RASAL3: variants seen among roughly 807,000 people sequenced by gnomAD.
RASAL3 encodes RAS protein activator like-3.
In RASAL3, 74 loss-of-function variants were observed where a neutral mutation model predicts 105.5. The ratio of observed to expected loss-of-function variants is 0.70; its 90% CI spans 0.58 to 0.85. The LOEUF is 0.85. Among genes scored for constraint, RASAL3 ranks in the 40% least tolerant of loss-of-function variants. The pLI, the probability that RASAL3 is intolerant of heterozygous loss-of-function variation, is 0.00. For synonymous variants in RASAL3, 579 were observed against 591.6 expected, an observed-to-expected ratio of 0.98 and a Z score of 0.31; for missense variants, 1,352 against 1,392.0, an observed-to-expected ratio of 0.97 and a Z score of 0.46.
In RASAL3 at chr19:15,454,582, GGTGGGT is replaced by G; in HGVS notation, c.1959-26_1959-21del. On this transcript the variant is annotated intron_variant, in intron 12 of 17. Transcript: ENST00000343625. ...CCGAACCTGGATCAGGGCCAGGCTG[GGTGGGT>G]CAGGTCAGGCACCTGCCACCCCCAC... 6.2e-7 allele frequency: 1 copy of G among 1,613,378 alleles called. No individual in the cohort carries two copies. Among genetic ancestry groups the G allele is most frequent in the Non-Finnish European group, 8.5e-7 (1 of 1,179,594 alleles).
rs374340432 is a variant in RASAL3 at position 15,453,372 on chromosome 19, G to T, written c.2405C>A (p.Pro802Gln). The change falls in exon 15 of 18, where the codon CCG (proline) becomes CAG (glutamine). Residue 802 changes from proline (P) to glutamine (Q), a missense_variant. By Grantham distance (76) the Pro-to-Gln change is moderately conservative. Coordinates refer to ENST00000343625, the MANE Select transcript of RASAL3 (RefSeq NM_022904.3). This position sits in a 1 kb window ranked among gnomAD's most constrained non-coding sequence, Gnocchi z 4.2. ...CCGCCGCAGGGGCCGCTCTTCGTCCGGCCGTGGCCGGGCCCAACTCTCTGA... is the reference window on the plus strand; with the variant it reads ...CCGCCGCAGGGGCCGCTCTTCGTCCTGCCGTGGCCGGGCCCAACTCTCTGA... ...RRSESWARPR[P>Q]DEERPLRRPR... 7.6e-6 allele frequency: 11 copies of T among 1,452,352 alleles called. 1 individual carries two copies. The South Asian group carries it at 1.5e-4, about 20-fold the overall frequency. 90.0% of individuals were successfully genotyped at this position (1,452,352 alleles called of 1,614,324 possible).
At position 15,453,325 on chromosome 19, in the gene RASAL3, G is replaced by C. The variant is rs1970217610; in HGVS notation, c.2452C>G (p.Gln818Glu). 2.1e-6 allele frequency: 3 copies of C among 1,461,794 alleles called. No homozygotes were observed. Among genetic ancestry groups the C allele is most frequent in the Non-Finnish European group, 2.7e-6 (3 of 1,113,362 alleles). The allele number at this position is 1,461,794 out of a possible 1,614,324, so 90.6% of individuals were successfully genotyped here. The change falls in exon 15 of 18, where the codon CAG (glutamine) becomes GAG (glutamate). Residue 818 changes from glutamine (Q) to glutamate (E), a missense_variant. By Grantham distance (29) the Gln-to-Glu change is conservative. Coordinates refer to ENST00000343625, the MANE Select transcript of RASAL3 (RefSeq NM_022904.3). This position sits in a 1 kb window ranked among gnomAD's most constrained non-coding sequence, Gnocchi z 4.2. ...LRRPRPVQRTQSVPVRRPARR... is the reference protein window; with the variant it reads ...LRRPRPVQRTESVPVRRPARR... ...GCAGGACGCCGGACCGGGACACTCTGCGTGCGCTGCACCGGCCGGGGCCGC... is the reference window on the plus strand; with the variant it reads ...GCAGGACGCCGGACCGGGACACTCTCCGTGCGCTGCACCGGCCGGGGCCGC...
rs1221144756 is a variant in RASAL3 at position 15,453,324 on chromosome 19, T to G, written c.2453A>C (p.Gln818Pro). 6.8e-7 allele frequency: 1 copy of G among 1,460,452 alleles called. No homozygotes were observed. The highest frequency in any genetic ancestry group is 1.5e-5 in the African/African-American group (1 of 67,908). The allele number at this position is 1,460,452 out of a possible 1,614,324, so 90.5% of individuals were successfully genotyped here. Residue 818 changes from glutamine (Q) to proline (P), a missense_variant, in exon 15 of 18, where the codon CAG (glutamine) becomes CCG (proline). By Grantham distance (76) the Gln-to-Pro change is moderately conservative. Transcript: ENST00000343625. The surrounding 1 kb of genome is among the most constrained non-coding windows in gnomAD (Gnocchi z 4.2). ...GGCAGGACGCCGGACCGGGACACTC[T>G]GCGTGCGCTGCACCGGCCGGGGCCG... ...LRRPRPVQRT[Q>P]SVPVRRPARR...
In RASAL3 at chr19:15,453,011, G is replaced by A. The variant is rs1312365925; in HGVS notation, c.2670+96C>T. On this transcript the variant is annotated intron_variant, in intron 15 of 17. Coordinates refer to ENST00000343625, the MANE Select transcript of RASAL3 (RefSeq NM_022904.3). This position sits in a 1 kb window ranked among gnomAD's most constrained non-coding sequence, Gnocchi z 4.2. ...GGCCTGGGGTCACACAGCACAGCGA[G>A]CTGGGTACTTGAACCCAGACTTGCC... The A allele has an allele frequency of 7.1e-6, 11 of 1,547,342 alleles. No homozygotes were observed. Among genetic ancestry groups the A allele is most frequent in the Non-Finnish European group, 8.8e-6 (10 of 1,141,268 alleles).
chr19:15,464,408 A>G, intron 1 of RASAL3, 31 bp from the exon 2 acceptor site: 1 of 1,541,386 alleles, frequency 6.5e-7, no homozygotes, highest in East Asian at 2.3e-5. Flanking sequence ...AGTAGTGCCC[A>G]GTGTCTGTCC....
In RASAL3 at chr19:15,453,041, C is replaced by T. The variant is rs1599731919; in HGVS notation, c.2670+66G>A. 6.3e-7 allele frequency: 1 copy of T among 1,599,632 alleles called. No homozygotes were observed. The highest frequency in any genetic ancestry group is 2.3e-5 in the East Asian group (1 of 44,362). On this transcript the variant is annotated intron_variant, in intron 15 of 17. Coordinates refer to ENST00000343625, the MANE Select transcript of RASAL3 (RefSeq NM_022904.3). This position sits in a 1 kb window ranked among gnomAD's most constrained non-coding sequence, Gnocchi z 4.2. ...GTACTTGAACCCAGACTTGCCTGGCCCTTCAGTCTTCCCCAGTCGCGTCCC... is the reference window on the plus strand; with the variant it reads ...GTACTTGAACCCAGACTTGCCTGGCTCTTCAGTCTTCCCCAGTCGCGTCCC...
chr19:15,452,420 T>C (rs973628709), intron 16 of RASAL3: 1 of 546,944 alleles, frequency 1.8e-6, no homozygotes, highest in Non-Finnish European at 3.3e-6. Flanking sequence ...GAGGGGCTGA[T>C]GGAGGGGTGG....
Position 15,464,496 on chromosome 19 carries a change from C to T in RASAL3, c.-20+9G>A. 1.2e-6 allele frequency: 1 copy of T among 849,786 alleles called. No individual in the cohort carries two copies. Among genetic ancestry groups the T allele is most frequent in the South Asian group, 1.7e-5 (1 of 57,464 alleles). The allele number at this position is 849,786 out of a possible 1,614,324, so 52.6% of individuals were successfully genotyped here. ...ATCCCCCTGCCCCCACCTCCACTCCCTCCCTTACCTTGGTTTCCTGACCAG... is the reference window on the plus strand; with the variant it reads ...ATCCCCCTGCCCCCACCTCCACTCCTTCCCTTACCTTGGTTTCCTGACCAG... On this transcript the variant is annotated intron_variant, in intron 1 of 17. Coordinates refer to ENST00000343625, the MANE Select transcript of RASAL3 (RefSeq NM_022904.3).
chr19:15,463,563 T>A (rs1016220314), intron 2 of RASAL3, among the ~76,000 whole-genome samples: 6 of 152,066 alleles, frequency 3.9e-5, no homozygotes, highest in Non-Finnish European at 8.8e-5. Flanking sequence ...AATGAATGAA[T>A]ATGAGCAAAT....
rs1970599524 is a variant in RASAL3 at position 15,464,140 on chromosome 19, C to G, written c.219G>C (p.Ala73=). 6.2e-7 allele frequency: 1 copy of G among 1,613,418 alleles called. No homozygotes were observed. The highest frequency in any genetic ancestry group is 8.5e-7 in the Non-Finnish European group (1 of 1,179,848). Residue 73 remains alanine (A), a synonymous_variant, in exon 2 of 18, where the codon GCG becomes GCC. Transcript: ENST00000343625. Reference sequence around the variant, plus strand: ...GACTGGTCCGTGACTCCTTGGGAGGCGCAGATAGGACCCGACGGAATATCG... The same window carrying G: ...GACTGGTCCGTGACTCCTTGGGAGGGGCAGATAGGACCCGACGGAATATCG... ...PRSIFRRVLS[A]PPKESRTSRL... is the part of the protein sequence containing the mutation.
intron 11 of RASAL3, 128 bp from the exon 12 acceptor site, chr19:15,455,021 GC>G: frequency 1.5e-6 from 1 of 689,110 alleles, no homozygotes. Context: ...TATTCATGAA[GC>G]CCATGCAGGC....
intron 16 of RASAL3, 93 bp downstream of exon 16, chr19:15,452,565 A>T: frequency 3.3e-6 from 3 of 907,306 alleles, no homozygotes; most frequent in Non-Finnish European, 4.3e-6. Flanking sequence ...TGGCCGTGCT[A>T]GGCGTGGTTT....
rs772826484 is a variant in RASAL3 at position 15,453,544 on chromosome 19, C to T, written c.2280-47G>A. 60 of 1,463,018 alleles carry T rather than the reference C, an allele frequency of 4.1e-5. No homozygotes were observed. The highest frequency in any genetic ancestry group is 5.2e-5 in the Non-Finnish European group (58 of 1,117,238). 90.6% of individuals were successfully genotyped at this position (1,463,018 alleles called of 1,614,324 possible). ...TTAGACCCTCCACTGGCCCCTGAGA[C>T]GACCCCATCCCGACCTGACCAGAAG... is the stretch of plus-strand genomic sequence containing the variant. On this transcript the variant is annotated intron_variant, in intron 14 of 17. Transcript: ENST00000343625. This position sits in a 1 kb window ranked among gnomAD's most constrained non-coding sequence, Gnocchi z 4.2.
intron 2 of RASAL3, among the ~76,000 whole-genome samples, chr19:15,462,716 G>C (rs1000651772): frequency 2.8e-4 from 43 of 152,192 alleles, no homozygotes; most frequent in Non-Finnish European, 5.3e-4. Context: ...ACTTTGGGAG[G>C]CTGAGGCGGG....
At position 15,454,749 on chromosome 19, in the gene RASAL3, G is replaced by A; in HGVS notation, c.1866C>T (p.Leu622=). The part of the protein sequence containing the change: ...LLCPAILAPS[L]FGLAPDHPAP... ...CTGGATGGTCTGGTGCCAAACCAAA[G>A]AGGCTGGGTGCCAGGATGGCAGGGC... Residue 622 remains leucine, a synonymous_variant, in exon 12 of 18, where the codon CTC becomes CTT. Coordinates refer to ENST00000343625, the MANE Select transcript of RASAL3 (RefSeq NM_022904.3). 1 of 1,607,788 alleles carries A rather than the reference G, an allele frequency of 6.2e-7. No homozygotes were observed. The highest frequency in any genetic ancestry group is 8.5e-7 in the Non-Finnish European group (1 of 1,177,244).
At chr19:15,460,411 T>G (rs1355204453) in intron 5 of RASAL3, among the ~76,000 whole-genome samples, 153 bp from the exon 6 acceptor site, 1 of 152,168 alleles carries the variant, frequency 6.6e-6, no homozygotes, top group East Asian at 1.9e-4. Context: ...CAGCAGCTCC[T>G]AATTCTTTGT....
intron 2 of RASAL3, among the ~76,000 whole-genome samples, chr19:15,463,167 C>G (rs1288964299): frequency 1.3e-5 from 2 of 151,400 alleles, no homozygotes; most frequent in Non-Finnish European, 1.5e-5. Context: ...CTCACTGCAA[C>G]CTCCACCTCC....
At chr19:15,460,345 G>T in intron 5 of RASAL3, 87 bp from the exon 6 acceptor site, 1 of 1,284,676 alleles carries the variant, frequency 7.8e-7, no homozygotes, top group Non-Finnish European at 1.1e-6. Context: ...GGATCTACTG[G>T]TCTTGGAGGA....
Position 15,458,441 on chromosome 19 carries a change from A to G in RASAL3, c.790-15T>C. 1 of 1,613,604 alleles carries G rather than the reference A, an allele frequency of 6.2e-7. No homozygotes were observed. Among genetic ancestry groups the G allele is most frequent in the South Asian group, 1.1e-5 (1 of 91,012 alleles). ...GTCCAGGTTACCTGTTGGGATGGAG[A>G]ATCCAACGGTGTGATCGAGGCCAAG... On this transcript the variant is annotated splice_polypyrimidine_tract_variant and intron_variant, in intron 7 of 17. Transcript: ENST00000343625.
Sources: allele counts gnomAD v4.1 joint callset (sites outside exome capture counted in the v4.1 genomes callset), GRCh38; gene constraint gnomAD v4.1.1; non-coding constraint Gnocchi (gnomAD v3.1); transcripts MANE v1.5; gene names NCBI Gene and HGNC (gene_info 2026-07-23, HGNC 2026-07-21).